Variants in ZNF516 observed in about 807,000 individuals in gnomAD.
ZNF516 encodes zinc finger protein 516.
In ZNF516, 19 loss-of-function variants were observed where a neutral mutation model predicts 79.7. The observed-to-expected ratio is 0.24, with a 90% confidence interval of 0.17 to 0.35. ZNF516 has a LOEUF of 0.35. Among genes scored for constraint, ZNF516 ranks in the 10% least tolerant of loss-of-function variants. The pLI, the probability that ZNF516 is intolerant of heterozygous loss-of-function variation, is 1.00. For missense variants in ZNF516, 1,678 were observed against 1,679.5 expected (o/e 1.00, Z 0.02); for synonymous variants, 877 against 739.5 (o/e 1.19, Z -3.02).
At chr18:76,488,827 T>C (rs1481323532) in intron 1 of ZNF516, among the ~76,000 whole-genome samples, 1 of 152,262 alleles carries the variant, frequency 6.6e-6, no homozygotes, top group Non-Finnish European at 1.5e-5. Flanking sequence ...AAAGCTGATA[T>C]GTGTTTCCTG....
chr18:76,446,020 C>T (rs1183520678), intron 2 of ZNF516, among the ~76,000 whole-genome samples: 1 of 151,950 alleles, frequency 6.6e-6, no homozygotes, highest in East Asian at 1.9e-4. Context: ...AGGGTCATGG[C>T]CAACACAGGG....
chr18:76,368,432 A>C (rs2074650992), intron 6 of ZNF516, among the ~76,000 whole-genome samples: 1 of 152,084 alleles, frequency 6.6e-6, no homozygotes, highest in African/African-American at 2.4e-5. Context: ...GGAATTTAAC[A>C]AACCAACTGC....
rs1207253655 is a variant in ZNF516 at position 76,360,642 on chromosome 18, A to T, written c.*1856T>A. ...TCAGAAAAAAATAAGTAAAAAAAAA[A>T]AAAAATATATATATATATATATATA... On this transcript the variant is annotated 3_prime_UTR_variant, in exon 7 of 7. Coordinates refer to ENST00000443185, the MANE Select transcript of ZNF516 (RefSeq NM_014643.4). 197 of 107,008 alleles carry T rather than the reference A, an allele frequency of 1.8e-3. No homozygotes were observed. The highest frequency in any genetic ancestry group is 4.7e-3 in the African/African-American group (133 of 28,526). The allele number at this position is 107,008 out of a possible 1,614,324, so 6.6% of individuals were successfully genotyped here.
intron 3 of ZNF516, among the ~76,000 whole-genome samples, chr18:76,415,838 G>A (rs1462882881): frequency 6.6e-6 from 1 of 152,142 alleles, no homozygotes; most frequent in South Asian, 2.1e-4. Context: ...GCATAAATGA[G>A]GCCCTGGGTC....
chr18:76,452,482 G>A (rs1172182441), intron 2 of ZNF516, among the ~76,000 whole-genome samples: 2 of 152,138 alleles, frequency 1.3e-5, no homozygotes, highest in Admixed American at 1.3e-4. Context: ...AGCCTTCTCC[G>A]GCTCTGCACC....
chr18:76,448,039 A>G (rs980632737), intron 2 of ZNF516, among the ~76,000 whole-genome samples: 16 of 152,258 alleles, frequency 1.1e-4, no homozygotes, highest in African/African-American at 3.9e-4. Context: ...ATTAAAAAAC[A>G]GGAAGTAAAA....
chr18:76,458,617 C>T (rs1439579608), intron 2 of ZNF516, among the ~76,000 whole-genome samples: 1 of 132,910 alleles, frequency 7.5e-6, no homozygotes, highest in African/African-American at 2.9e-5. Context: ...CAACGCCAGG[C>T]CTCACCGTCG....
At chr18:76,411,342 C>G (rs2145303228) in intron 3 of ZNF516, among the ~76,000 whole-genome samples, 1 of 152,356 alleles carries the variant, frequency 6.6e-6, no homozygotes, top group Non-Finnish European at 1.5e-5. Context: ...TCAACAGCCT[C>G]CAAAATACAC....
chr18:76,476,248 G>A (rs1914166520), intron 1 of ZNF516, among the ~76,000 whole-genome samples: 1 of 152,104 alleles, frequency 6.6e-6, no homozygotes, highest in Non-Finnish European at 1.5e-5. Context: ...TCCTTTTATA[G>A]TATGAAAAGA....
intron 3 of ZNF516, among the ~76,000 whole-genome samples, chr18:76,380,538 A>G (rs577860156): frequency 6.6e-6 from 1 of 152,286 alleles, no homozygotes; most frequent in East Asian, 1.9e-4. Flanking sequence ...GATCACAGGG[A>G]AAAAATACAA....
chr18:76,484,022 G>C (rs141303853), intron 1 of ZNF516, among the ~76,000 whole-genome samples: 26 of 152,274 alleles, frequency 1.7e-4, no homozygotes, highest in East Asian at 9.7e-4. Flanking sequence ...AAAGCTGAAG[G>C]GGGGCTCTCC....
chr18:76,466,576 G>A lies in ZNF516; in HGVS notation c.-271-3435C>T, dbSNP rs149761490. On this transcript the variant is annotated intron_variant, in intron 1 of 6. Transcript: ENST00000443185. ...GACCCAAGTGCTCTATGCAGGTGCC[G>A]GGGCCGCGCATCTCCAGGAGATCTA... Among the ~76,000 whole-genome samples, 736 of 152,336 alleles carry A rather than the reference G, an allele frequency of 4.8e-3. 13 individuals carry two copies. Among genetic ancestry groups the A allele is most frequent in the African/African-American group, 0.016 (652 of 41,586 alleles).
chr18:76,457,237 G>A (rs1472602396), intron 2 of ZNF516, among the ~76,000 whole-genome samples: 1 of 152,212 alleles, frequency 6.6e-6, no homozygotes, highest in Non-Finnish European at 1.5e-5. Flanking sequence ...GGAGCTTCAG[G>A]ATTTATAAAC....
chr18:76,448,881 AAGG>A lies in ZNF516; in HGVS notation c.-157-5673_-157-5671del, dbSNP rs144551612. ...CGTGCTGGCAGCGCACCAGTAAGACAAGGAGAAGTTTCCAGAAGGCCAGGAGGG... is the reference window on the plus strand; with the variant it reads ...CGTGCTGGCAGCGCACCAGTAAGACAAGAAGTTTCCAGAAGGCCAGGAGGG... On this transcript the variant is annotated intron_variant, in intron 2 of 6. Coordinates refer to ENST00000443185, the MANE Select transcript of ZNF516 (RefSeq NM_014643.4). Among the ~76,000 whole-genome samples the A allele has an allele frequency of 1.2e-3, 188 of 152,302 alleles. 1 individual carries two copies. The highest frequency in any genetic ancestry group is 4.2e-3 in the African/African-American group (174 of 41,556).
rs566995003 is a variant in ZNF516 at position 76,389,840 on chromosome 18, G to C, written c.1811-9537C>G. 3.9e-5 allele frequency among the ~76,000 whole-genome samples: 6 copies of C among 152,300 alleles called. No homozygotes were observed. In the South Asian group the frequency reaches 6.2e-4, roughly 16 times the overall value. ...CTGCCCGCAACCCTGGGACCTGAGG[G>C]GGAGATGGGTGAGTCTGGAGAAAAG... On this transcript the variant is annotated intron_variant, in intron 3 of 6. Transcript: ENST00000443185.
At chr18:76,365,027 G>A (rs1012889766) in intron 6 of ZNF516, among the ~76,000 whole-genome samples, 3 of 152,198 alleles carry the variant, frequency 2.0e-5, no homozygotes, top group African/African-American at 7.2e-5. Flanking sequence ...CTGTGATGCT[G>A]AGACTCTGAA....
At chr18:76,420,706 G>A (rs2075495328) in intron 3 of ZNF516, among the ~76,000 whole-genome samples, 1 of 152,084 alleles carries the variant, frequency 6.6e-6, no homozygotes, top group African/African-American at 2.4e-5. Flanking sequence ...GGGCTGGGGA[G>A]GGGTTACACC....
At chr18:76,426,855 C>CTCTGGATGGA (rs1388385543) in intron 3 of ZNF516, among the ~76,000 whole-genome samples, 1 of 152,212 alleles carries the variant, frequency 6.6e-6, no homozygotes, top group African/African-American at 2.4e-5. Context: ...CCTCAGTGGC[C>CTCTGGATGGA]CATCATCAGT....
At chr18:76,464,824 A>G (rs1299210494) in intron 1 of ZNF516, among the ~76,000 whole-genome samples, 3 of 152,140 alleles carry the variant, frequency 2.0e-5, no homozygotes, top group Non-Finnish European at 4.4e-5. Context: ...TTTTTTCATG[A>G]TTTAGTCAAG....
Sources: gnomAD v4.1 joint callset for allele counts (sites outside exome capture counted in the v4.1 genomes callset) on GRCh38, gnomAD v4.1.1 for gene constraint, MANE v1.5 for transcripts, NCBI Gene and HGNC (gene_info 2026-07-23, HGNC 2026-07-21) for gene names.